Variants in NSUN4 observed in about 807,000 individuals in gnomAD.
The protein encoded by NSUN4 is 5-cytosine rRNA methyltransferase NSUN4.
Under a neutral mutation model 43.8 loss-of-function variants are expected in NSUN4, and 31 were observed. That is an observed-to-expected ratio of 0.71 (90% CI 0.53 to 0.96). NSUN4 has a LOEUF of 0.96. Ranked by LOEUF, NSUN4 falls within the 40% of genes least tolerant of loss-of-function variation. NSUN4 has a pLI of 0.00. For missense variants in NSUN4, 439 were observed against 475.6 expected (o/e 0.92, Z 0.72); for synonymous variants, 167 against 184.1 (o/e 0.91, Z 0.75).
At chr1:46,351,734 G>A (rs147481350) in intron 3 of NSUN4, among the ~76,000 whole-genome samples, 1,493 of 137,382 alleles carry the variant, frequency 0.011, 29 homozygotes, top group African/African-American at 0.039. Context: ...GCGCCATCTC[G>A]GCTCACTGCA....
At chr1:46,348,709 CAAAA>C (rs34999763) in intron 3 of NSUN4, among the ~76,000 whole-genome samples, 1,734 of 51,894 alleles carry the variant, frequency 0.033, 23 homozygotes, top group African/African-American at 0.13. Flanking sequence ...AACTCTGTCT[CAAAA>C]AAAAAAAAAA....
the NSUN4 span, among the ~76,000 whole-genome samples, chr1:46,373,980 C>T: frequency 1.3e-5 from 2 of 152,012 alleles, no homozygotes; most frequent in South Asian, 2.1e-4. Flanking sequence ...ACAAAATTAC[C>T]GTTAGAAATA....
chr1:46,345,218 C>A, intron 2 of NSUN4, 74 bp downstream of exon 2: 1 of 1,126,340 alleles, frequency 8.9e-7, no homozygotes, highest in Non-Finnish European at 1.3e-6. Context: ...CCAGCTTCTA[C>A]CCTCTGTAAT....
chr1:46,341,763 T>C, intron 1 of NSUN4: 1 of 1,231,926 alleles, frequency 8.1e-7, no homozygotes, highest in Non-Finnish European at 1.0e-6. Context: ...CTCCAGCCCT[T>C]ATTTTGAGCA....
chr1:46,376,711 CATGT>C, the NSUN4 span, among the ~76,000 whole-genome samples: 2 of 97,974 alleles, frequency 2.0e-5, no homozygotes, highest in East Asian at 3.5e-4. Context: ...CTTTAGAGAG[CATGT>C]GTGTGTGTGT....
intron 3 of NSUN4, 80 bp downstream of exon 3, chr1:46,347,155 C>T (rs906956671): frequency 1.9e-5 from 27 of 1,443,706 alleles, no homozygotes; most frequent in South Asian, 1.2e-4. Context: ...ATGGTAGGTT[C>T]GGCCAGGCGC....
chr1:46,372,143 G>GT, the NSUN4 span, among the ~76,000 whole-genome samples: 34,651 of 136,590 alleles, frequency 0.25, 4,762 homozygotes, highest in South Asian at 0.34. Context: ...CCTTTTTACT[G>GT]TTTTTTTTTT....
At chr1:46,358,310 G>A (rs1663535773) in intron 4 of NSUN4, among the ~76,000 whole-genome samples, 1 of 151,884 alleles carries the variant, frequency 6.6e-6, no homozygotes, top group Non-Finnish European at 1.5e-5. Context: ...TGGCCAGGCT[G>A]GTCTCGAACT....
At chr1:46,351,907 G>A (rs532921623) in intron 3 of NSUN4, among the ~76,000 whole-genome samples, 17 of 151,148 alleles carry the variant, frequency 1.1e-4, no homozygotes, top group South Asian at 2.1e-4. Context: ...CTTGTGATCC[G>A]CCTGCCTTGT....
chr1:46,341,017 A>G (rs1662057765), intron 1 of NSUN4, 98 bp downstream of exon 1: 1 of 1,261,720 alleles, frequency 7.9e-7, no homozygotes, highest in East Asian at 2.6e-5. Flanking sequence ...CGTCTTTCCC[A>G]AGCACTCCAC....
At chr1:46,343,156 C>G (rs1365935107) in intron 1 of NSUN4, 2 of 392,316 alleles carry the variant, frequency 5.1e-6, no homozygotes, top group African/African-American at 4.2e-5. Context: ...CATCCCTGCC[C>G]ACTGTCTGGC....
downstream of NSUN4, among the ~76,000 whole-genome samples, chr1:46,365,561 C>T (rs1376765712): frequency 3.3e-5 from 5 of 151,986 alleles, no homozygotes; most frequent in East Asian, 1.9e-4. Context: ...AGGCTGGTCT[C>T]GAACTCCTGA....
intron 3 of NSUN4, among the ~76,000 whole-genome samples, chr1:46,351,469 A>G (rs1026719920): frequency 6.6e-6 from 1 of 152,102 alleles, no homozygotes; most frequent in African/African-American, 2.4e-5. Flanking sequence ...AAACTGTAGT[A>G]TCTACCAAAG....
At chr1:46,356,641 C>T (rs998953165) in intron 4 of NSUN4, among the ~76,000 whole-genome samples, 9 of 151,526 alleles carry the variant, frequency 5.9e-5, no homozygotes, top group Non-Finnish European at 7.4e-5. Context: ...TGCAGTGAGC[C>T]GAGATCGCGC....
rs1216066826 is a variant in NSUN4, at chr1:46,360,244, AAAAAAATATAT to A, written c.754-458_754-448del. ...ACTCCATCTCAAAAAAAAAAAAAAA[AAAAAAATATAT>A]ATATATATATATATATATATATGTA... On this transcript the variant is annotated intron_variant, in intron 4 of 5. Coordinates refer to ENST00000474844, the MANE Select transcript of NSUN4 (RefSeq NM_199044.4). Among the ~76,000 whole-genome samples, 385 of 39,410 alleles carry A rather than the reference AAAAAAATATAT, an allele frequency of 9.8e-3. 1 individual carries two copies. Among genetic ancestry groups the A allele is most frequent in the East Asian group, 0.057 (68 of 1,188 alleles). 25.9% of individuals were successfully genotyped at this position (39,410 alleles called of 152,430 possible).
At chr1:46,349,296 T>C (rs1017290436) in intron 3 of NSUN4, among the ~76,000 whole-genome samples, 14 of 152,028 alleles carry the variant, frequency 9.2e-5, no homozygotes, top group East Asian at 3.9e-4. Flanking sequence ...CCCGCCACCA[T>C]GCCCGGCTAA....
chr1:46,370,198 A>T, the NSUN4 span, among the ~76,000 whole-genome samples: 4 of 152,184 alleles, frequency 2.6e-5, no homozygotes, highest in African/African-American at 9.7e-5. Context: ...GGGAAGAGAG[A>T]TGTTGTCTCC....
chr1:46,349,679 T>C (rs942857069), intron 3 of NSUN4, among the ~76,000 whole-genome samples: 3 of 152,178 alleles, frequency 2.0e-5, no homozygotes, highest in African/African-American at 7.2e-5. Context: ...ATGATAGGCA[T>C]TGGTTGATTC....
At chr1:46,347,875 C>CT (rs994118220) in intron 3 of NSUN4, among the ~76,000 whole-genome samples, 4 of 126,000 alleles carry the variant, frequency 3.2e-5, no homozygotes, top group Admixed American at 1.6e-4. Context: ...TTTTTTCTTT[C>CT]TTTTTTTTTC....
Sources: gnomAD v4.1 joint callset for allele counts (sites outside exome capture counted in the v4.1 genomes callset) on GRCh38, gnomAD v4.1.1 for gene constraint, MANE v1.5 for transcripts, NCBI Gene and HGNC (gene_info 2026-07-23, HGNC 2026-07-21) for gene names.